Variants in DHDH observed in about 807,000 individuals in gnomAD.
DHDH encodes dihydrodiol dehydrogenase.
A neutral mutation model predicts 33.2 loss-of-function variants in DHDH; 29 were observed. That is an observed-to-expected ratio of 0.87 (90% CI 0.65 to 1.19). The LOEUF is 1.19. Among genes scored for constraint, DHDH ranks in the 50% most tolerant of loss-of-function variants. DHDH has a pLI of 0.00. For missense variants in DHDH, 431 were observed against 455.0 expected (o/e 0.95, Z 0.48); for synonymous variants, 201 against 187.9 (o/e 1.07, Z -0.57).
Position 48,935,058 on chromosome 19 carries a change from A to G in DHDH, c.149A>G (p.Asp50Gly). 1 of 1,594,008 alleles carries G rather than the reference A, an allele frequency of 6.3e-7. No individual in the cohort carries two copies. The highest frequency in any genetic ancestry group is 2.3e-5 in the East Asian group (1 of 44,022). ...GCGAAGGAGTTTGCACAGAAACACG[A>G]CATCCCCAAGGCCTACGGCTCCTAT... is the stretch of plus-strand genomic sequence containing the variant. The part of the protein sequence containing the change: ...SRAKEFAQKH[D>G]IPKAYGSYEE... Residue 50 changes from aspartate (D) to glycine (G), a missense_variant, in exon 2 of 7, where the codon GAC (aspartate) becomes GGC (glycine). Transcript: ENST00000221403.
At chr19:48,943,761 G>A (rs2037899335) in intron 5 of DHDH, among the ~76,000 whole-genome samples, 1 of 151,908 alleles carries the variant, frequency 6.6e-6, no homozygotes, top group South Asian at 2.1e-4. Context: ...GAGAGGCGGA[G>A]GTTGCAGTGA....
chr19:48,933,548 C>A (rs1415841758), upstream of DHDH: 1 of 623,690 alleles, frequency 1.6e-6, no homozygotes, highest in Non-Finnish European at 2.9e-6. Context: ...ACGGTGCATT[C>A]GCCCAGCGGG....
rs371485026 is a variant in DHDH at position 48,933,730 on chromosome 19, G to A, written c.9G>A (p.Leu3=). Residue 3 remains leucine, a synonymous_variant, in exon 1 of 7, where the codon CTG becomes CTA. Transcript: ENST00000221403. Reference sequence around the variant, plus strand: ...GGCTCCGCATCGCAACCATGGCGCTGCGCTGGGGCATCGTGTCTGTCGGCC... The same window carrying A: ...GGCTCCGCATCGCAACCATGGCGCTACGCTGGGGCATCGTGTCTGTCGGCC... MA[L]RWGIVSVGLI... 8 of 1,613,408 alleles carry A rather than the reference G, an allele frequency of 5.0e-6. No individual in the cohort carries two copies. The highest frequency in any genetic ancestry group is 1.1e-5 in the South Asian group (1 of 91,080).
chr19:48,936,033 G>C lies in DHDH; in HGVS notation c.204G>C (p.Glu68Asp), dbSNP rs1205935671. 3 of 1,598,004 alleles carry C rather than the reference G, an allele frequency of 1.9e-6. No individual in the cohort carries two copies. The highest frequency in any genetic ancestry group is 2.6e-6 in the Non-Finnish European group (3 of 1,173,742). Residue 68 changes from glutamate (E) to aspartate (D), a missense_variant and splice_region_variant, in exon 3 of 7, where the codon GAG (glutamate) becomes GAC (aspartate). Physicochemically the swap from Glu to Asp is conservative, Grantham distance 45. Transcript: ENST00000221403. ...YEELAKDPSV[E>D]VAYIGTQHPQ... Reference sequence around the variant, plus strand: ...CCTCTTGACCTACTCCCACCCTAGAGGTGGCCTACATTGGCACCCAGCACC... The same window carrying C: ...CCTCTTGACCTACTCCCACCCTAGACGTGGCCTACATTGGCACCCAGCACC...
chr19:48,944,761 T>G, intron 6 of DHDH, 63 bp from the exon 7 acceptor site: 1 of 1,429,352 alleles, frequency 7.0e-7, no homozygotes, highest in South Asian at 1.2e-5. Flanking sequence ...ATTCTGGGAA[T>G]TGTAGTTCTT....
At chr19:48,943,552 G>A (rs1052388498) in intron 5 of DHDH, among the ~76,000 whole-genome samples, 6 of 151,712 alleles carry the variant, frequency 4.0e-5, no homozygotes, top group African/African-American at 7.3e-5. Flanking sequence ...CAGGCTGGGC[G>A]CGGTGGCTCA....
rs2037914914 is a variant in DHDH, at chr19:48,944,591, T to A, written c.895+84T>A. The A allele has an allele frequency of 6.6e-6, 10 of 1,522,572 alleles. No individual in the cohort carries two copies. In the South Asian group the frequency reaches 1.2e-4, roughly 18 times the overall value. 94.3% of individuals were successfully genotyped at this position (1,522,572 alleles called of 1,614,324 possible). A position where few individuals can be genotyped will look rare whatever the true frequency, so the allele number is the denominator to read the frequency against. On this transcript the variant is annotated intron_variant, in intron 6 of 6. Coordinates refer to ENST00000221403, the MANE Select transcript of DHDH (RefSeq NM_014475.4). ...CCACCTGCTCTGTCACCCTGCTGTT[T>A]AGAACTACATCTCCCAGGAGGTTGC...
chr19:48,940,512 A>C (rs1198953057), intron 4 of DHDH, among the ~76,000 whole-genome samples: 1 of 151,274 alleles, frequency 6.6e-6, no homozygotes, highest in Non-Finnish European at 1.5e-5. Context: ...GCTTCATTAA[A>C]GTTACATTCA....
At chr19:48,933,952 T>C in intron 1 of DHDH, 141 bp downstream of exon 1, 1 of 714,174 alleles carries the variant, frequency 1.4e-6, no homozygotes, top group Non-Finnish European at 2.4e-6. Flanking sequence ...TACCTCCTTC[T>C]CCATCTCTGT....
At chr19:48,944,567 C>T (rs2037914626) in intron 6 of DHDH, 60 bp downstream of exon 6, 1 of 1,540,662 alleles carries the variant, frequency 6.5e-7, no homozygotes, top group African/African-American at 1.4e-5. Context: ...GGCCCCTCCC[C>T]ACCTGCTCTG....
intron 4 of DHDH, among the ~76,000 whole-genome samples, chr19:48,940,871 A>G (rs2037849131): frequency 1.3e-5 from 2 of 151,960 alleles, no homozygotes; most frequent in South Asian, 4.2e-4. Context: ...TGTGGAGAAC[A>G]GAGTCTCGCT....
Position 48,944,911 on chromosome 19 carries a change from C to T in DHDH, c.983C>T (p.Thr328Ile). Residue 328 changes from threonine to isoleucine, a missense_variant, in exon 7 of 7, where the codon ACC (threonine) becomes ATC (isoleucine). By Grantham distance (89) the Thr-to-Ile change is moderately conservative (BLOSUM62 -1). Coordinates refer to ENST00000221403, the MANE Select transcript of DHDH (RefSeq NM_014475.4). ...GAGGTGAGGAAGGCCATTGGAGTCA[C>T]CTTCCCCCAAGACAAACGCTGATGT... ...LEEVRKAIGV[T>I]FPQDKR The T allele has an allele frequency of 1.2e-6, 2 of 1,614,070 alleles. No individual in the cohort carries two copies. The highest frequency in any genetic ancestry group is 1.7e-6 in the Non-Finnish European group (2 of 1,180,014).
chr19:48,941,620 C>T (rs1259335841), intron 4 of DHDH, among the ~76,000 whole-genome samples: 1 of 149,660 alleles, frequency 6.7e-6, no homozygotes, highest in East Asian at 2.0e-4. Context: ...TGGGCTCAAG[C>T]AATACACACA....
intron 3 of DHDH, among the ~76,000 whole-genome samples, chr19:48,938,036 G>T (rs1045471513): frequency 1.3e-5 from 2 of 151,972 alleles, no homozygotes; most frequent in African/African-American, 4.8e-5. Flanking sequence ...TTCATCCCTT[G>T]GTTGCCTGTT....
chr19:48,937,156 C>A (rs576551776), intron 3 of DHDH, among the ~76,000 whole-genome samples: 1 of 125,772 alleles, frequency 8.0e-6, no homozygotes, highest in Non-Finnish European at 1.5e-5. Flanking sequence ...CATTCACAGA[C>A]TCCGGGGATC....
rs34809067 is a variant in DHDH, at chr19:48,944,444, A to G, written c.832A>G (p.Asn278Asp). 5.2e-4 allele frequency: 836 copies of G among 1,614,014 alleles called. 9 individuals are homozygous for G. The African/African-American group carries it at 1.0e-2, about 19-fold the overall frequency. Residue 278 changes from asparagine (N) to aspartate (D), a missense_variant, in exon 6 of 7, where the codon AAT (asparagine) becomes GAT (aspartate). By Grantham distance (23) the Asn-to-Asp change is conservative. Transcript: ENST00000221403. ...GCTGCCCCCAGTCCCAAAGGACTGCAATTTTGACAACGGGGCAGGCATGAG... is the reference window on the plus strand; with the variant it reads ...GCTGCCCCCAGTCCCAAAGGACTGCGATTTTGACAACGGGGCAGGCATGAG... ...FPLPPVPKDCNFDNGAGMSYE... is the reference protein window; with the variant it reads ...FPLPPVPKDCDFDNGAGMSYE...
Position 48,939,461 on chromosome 19 carries a change from C to G in DHDH, c.379C>G (p.Arg127Gly). Residue 127 changes from arginine (R) to glycine (G), a missense_variant, in exon 4 of 7, where the codon CGC (arginine) becomes GGC (glycine). Transcript: ENST00000221403. ...ALFLMEAIWT[R>G]FFPASEALRS... ...TTGTGGTCTGCAGGCCATCTGGACC[C>G]GCTTCTTTCCTGCCTCCGAGGCTCT... 2 of 1,612,400 alleles carry G rather than the reference C, an allele frequency of 1.2e-6. No individual in the cohort carries two copies. The highest frequency in any genetic ancestry group is 1.7e-6 in the Non-Finnish European group (2 of 1,178,696).
At chr19:48,944,275 T>C in intron 5 of DHDH, 82 bp from the exon 6 acceptor site, 1 of 1,592,860 alleles carries the variant, frequency 6.3e-7, no homozygotes, top group Non-Finnish European at 8.6e-7. Flanking sequence ...GAGGCCCCTG[T>C]GCACCACCTG....
intron 1 of DHDH, 111 bp downstream of exon 1, chr19:48,933,922 T>G: frequency 1.1e-6 from 1 of 927,140 alleles, no homozygotes; most frequent in Non-Finnish European, 1.7e-6. Flanking sequence ...GTCATTGCAG[T>G]GAAACGTCTG....
Sources: allele counts gnomAD v4.1 joint callset (sites outside exome capture counted in the v4.1 genomes callset), GRCh38; gene constraint gnomAD v4.1.1; transcripts MANE v1.5; gene names NCBI Gene and HGNC (gene_info 2026-07-23, HGNC 2026-07-21).